The following FHIT variants were observed in gnomAD, a reference collection of about 807,000 sequenced individuals.
FHIT encodes bis(5'-adenosyl)-triphosphatase.
A neutral mutation model predicts 17.9 loss-of-function variants in FHIT; 19 were observed. The observed-to-expected ratio is 1.06, with a 90% confidence interval of 0.74 to 1.56. The LOEUF (loss-of-function observed/expected upper bound fraction) is 1.56, where lower values mean the gene tolerates loss of function less well. FHIT is among the 40% of genes most tolerant of loss of function. The probability of loss-of-function intolerance (pLI) is 0.00; values close to 1 mark genes in which losing one functional copy is unlikely to be tolerated. For missense variants in FHIT, 248 were observed against 189.2 expected, an observed-to-expected ratio of 1.31 and a Z score of -1.82; for synonymous variants, 81 against 69.7, an observed-to-expected ratio of 1.16 and a Z score of -0.81.
chr3:60,305,012 C>T (rs897443561), intron 5 of FHIT, among the ~76,000 whole-genome samples: 6 of 152,082 alleles, frequency 3.9e-5, no homozygotes, highest in Non-Finnish European at 7.4e-5. Flanking sequence ...AGATTCTGTC[C>T]GTTGTCACAT....
intron 7 of FHIT, among the ~76,000 whole-genome samples, chr3:59,970,898 G>C (rs551549026): frequency 1.4e-5 from 2 of 139,284 alleles, no homozygotes; most frequent in Admixed American, 7.7e-5. Flanking sequence ...CGGTGAACTA[G>C]TTGACGGAAC....
chr3:60,227,653 C>T (rs1704280296), intron 5 of FHIT, among the ~76,000 whole-genome samples: 1 of 152,078 alleles, frequency 6.6e-6, no homozygotes, highest in African/African-American at 2.4e-5. Context: ...AATCATGGAT[C>T]ACTGTTTAAA....
intron 5 of FHIT, among the ~76,000 whole-genome samples, chr3:60,230,800 T>C (rs1425558867): frequency 6.6e-6 from 1 of 152,200 alleles, no homozygotes; most frequent in Non-Finnish European, 1.5e-5. Context: ...GACCTCCCCA[T>C]CCTGGGTTCA....
At chr3:60,071,812 G>A (rs955886367) in intron 5 of FHIT, among the ~76,000 whole-genome samples, 1 of 152,170 alleles carries the variant, frequency 6.6e-6, no homozygotes, top group African/African-American at 2.4e-5. Context: ...ATTGACCCAT[G>A]GGGGCAGTTC....
At chr3:59,890,828 A>G (rs957977421) in intron 8 of FHIT, among the ~76,000 whole-genome samples, 1 of 152,214 alleles carries the variant, frequency 6.6e-6, no homozygotes, top group Non-Finnish European at 1.5e-5. Context: ...AACAGTATTT[A>G]ATTTTGCTTA....
At chr3:60,112,230 G>A (rs1206431361) in intron 5 of FHIT, among the ~76,000 whole-genome samples, 1 of 152,158 alleles carries the variant, frequency 6.6e-6, no homozygotes, top group South Asian at 2.1e-4. Flanking sequence ...ACTCTAGGTA[G>A]AGCCTTCAGT....
chr3:60,363,666 A>G (rs909866901), intron 5 of FHIT, among the ~76,000 whole-genome samples: 2 of 152,026 alleles, frequency 1.3e-5, no homozygotes, highest in Non-Finnish European at 2.9e-5. Context: ...TGCGCTGTGT[A>G]TCTCCTGTCC....
At chr3:61,141,537 A>C (rs1413153178) in intron 2 of FHIT, among the ~76,000 whole-genome samples, 3 of 144,276 alleles carry the variant, frequency 2.1e-5, no homozygotes, top group African/African-American at 7.3e-5. Context: ...AATACTAAAC[A>C]TCCTTCCCAG....
chr3:59,826,450 C>A (rs1162154957), intron 8 of FHIT, among the ~76,000 whole-genome samples: 1 of 152,184 alleles, frequency 6.6e-6, no homozygotes, highest in Non-Finnish European at 1.5e-5. Flanking sequence ...ACTATGTTTA[C>A]AGTTTGTTTA....
At chr3:60,589,767 AG>A (rs2038022533) in intron 4 of FHIT, among the ~76,000 whole-genome samples, 1 of 152,098 alleles carries the variant, frequency 6.6e-6, no homozygotes, top group Non-Finnish European at 1.5e-5. Flanking sequence ...TCACCAAAGC[AG>A]TATATTTTTG....
chr3:60,325,584 A>G (rs1318755131), intron 5 of FHIT, among the ~76,000 whole-genome samples: 1 of 152,234 alleles, frequency 6.6e-6, no homozygotes, highest in Non-Finnish European at 1.5e-5. Context: ...TTCTGTTGCT[A>G]AAAATACATT....
chr3:60,390,133 C>T (rs961490536), intron 5 of FHIT, among the ~76,000 whole-genome samples: 1 of 152,126 alleles, frequency 6.6e-6, no homozygotes, highest in African/African-American at 2.4e-5. Context: ...TAATTGCAAG[C>T]TATCAACCTC....
chr3:61,065,468 G>A (rs2034573488), intron 2 of FHIT, among the ~76,000 whole-genome samples: 1 of 152,098 alleles, frequency 6.6e-6, no homozygotes, highest in African/African-American at 2.4e-5. Flanking sequence ...AATCAAAAGT[G>A]ACCCTGAGAT....
rs1398238597 is a variant in FHIT at position 61,034,295 on chromosome 3, A to G, written c.-111+7752T>C. The stretch of plus-strand genomic sequence containing the variant: ...TCCTCAAAATTAGAAACCTTGGTAC[A>G]TCAAAGACATTATCAAAAAAATGAA... On this transcript the variant is annotated intron_variant, in intron 3 of 9. Coordinates refer to ENST00000492590, the MANE Select transcript of FHIT (RefSeq NM_002012.4). 2.6e-5 allele frequency among the ~76,000 whole-genome samples: 4 copies of G among 152,190 alleles called. No homozygotes were observed. The East Asian group carries it at 7.7e-4, about 29-fold the overall frequency.
intron 7 of FHIT, among the ~76,000 whole-genome samples, chr3:59,972,020 T>C (rs539550374): frequency 9.7e-4 from 147 of 152,246 alleles, no homozygotes; most frequent in Admixed American, 2.2e-3. Context: ...CATCACATGT[T>C]CAGCCTTGAA....
At chr3:60,326,508 A>G (rs2106830203) in intron 5 of FHIT, among the ~76,000 whole-genome samples, 1 of 152,250 alleles carries the variant, frequency 6.6e-6, no homozygotes, top group East Asian at 1.9e-4. Context: ...GAGCGGCTGT[A>G]AAGACAGATG....
intron 8 of FHIT, among the ~76,000 whole-genome samples, chr3:59,905,109 C>G (rs1704525062): frequency 6.6e-6 from 1 of 152,158 alleles, no homozygotes; most frequent in Non-Finnish European, 1.5e-5. Flanking sequence ...CACTGGGGAC[C>G]CACCCCTATC....
At chr3:60,186,656 G>C (rs1191967400) in intron 5 of FHIT, among the ~76,000 whole-genome samples, 3 of 152,120 alleles carry the variant, frequency 2.0e-5, no homozygotes, top group Non-Finnish European at 4.4e-5. Flanking sequence ...TTAATCCTCT[G>C]TGAGTATAGA....
intron 3 of FHIT, among the ~76,000 whole-genome samples, chr3:60,960,890 C>T (rs1462555029): frequency 6.6e-6 from 1 of 152,216 alleles, no homozygotes; most frequent in Non-Finnish European, 1.5e-5. Flanking sequence ...CCACAATAAA[C>T]ACACGTGTGC....
Sources: allele counts gnomAD v4.1 joint callset (sites outside exome capture counted in the v4.1 genomes callset), GRCh38; gene constraint gnomAD v4.1.1; transcripts MANE v1.5; gene names NCBI Gene and HGNC (gene_info 2026-07-23, HGNC 2026-07-21).